Variants in TTC29 observed in about 807,000 individuals in gnomAD.
The protein encoded by TTC29 is tetratricopeptide repeat protein 29.
In TTC29, 49 loss-of-function variants were observed where a neutral mutation model predicts 58.1. The observed-to-expected ratio is 0.84, with a 90% CI of 0.67 to 1.07. The LOEUF is 1.07. Ranked by LOEUF, TTC29 falls within the 50% of genes least tolerant of loss-of-function variation. The pLI is 0.00. For synonymous variants in TTC29, 209 were observed against 196.8 expected (o/e 1.06, Z -0.52); for missense variants, 582 against 555.6 (o/e 1.05, Z -0.48).
At chr4:146,885,282 A>C (rs979065103) in intron 6 of TTC29, among the ~76,000 whole-genome samples, 12 of 152,110 alleles carry the variant, frequency 7.9e-5, no homozygotes, top group Admixed American at 5.9e-4. Flanking sequence ...ATGCAATATA[A>C]GTTTACTTAT....
chr4:146,867,453 C>G (rs1376274184), intron 8 of TTC29, 45 bp downstream of exon 8: 1 of 966,762 alleles, frequency 1.0e-6, no homozygotes, highest in Non-Finnish European at 1.5e-6. Flanking sequence ...AATAAATATA[C>G]TAAAATAAAA....
chr4:146,901,351 T>C (rs114101781), intron 6 of TTC29, among the ~76,000 whole-genome samples: 3 of 152,350 alleles, frequency 2.0e-5, no homozygotes, highest in South Asian at 4.1e-4. Flanking sequence ...TGTTAGTGTA[T>C]GATATATGCA....
At chr4:146,871,834 G>A (rs1348625831) in intron 7 of TTC29, among the ~76,000 whole-genome samples, 1 of 151,896 alleles carries the variant, frequency 6.6e-6, no homozygotes, top group Non-Finnish European at 1.5e-5. Flanking sequence ...TCCCTAAATT[G>A]ATTGACAGAT....
chr4:146,846,411 G>A (rs898661609), intron 8 of TTC29, among the ~76,000 whole-genome samples: 4 of 152,120 alleles, frequency 2.6e-5, no homozygotes, highest in African/African-American at 4.8e-5. Context: ...TATTTGGAAC[G>A]ATTCTTCTTA....
intron 6 of TTC29, among the ~76,000 whole-genome samples, chr4:146,896,040 T>C (rs1243435476): frequency 6.6e-6 from 1 of 152,294 alleles, no homozygotes; most frequent in African/African-American, 2.4e-5. Flanking sequence ...ACTGTGTAGC[T>C]TCTACTGCCA....
chr4:146,845,862 A>T (rs1729134453), intron 8 of TTC29, among the ~76,000 whole-genome samples: 1 of 151,902 alleles, frequency 6.6e-6, no homozygotes, highest in Non-Finnish European at 1.5e-5. Flanking sequence ...GTGCTATTCT[A>T]GCACTCACCA....
intron 4 of TTC29, among the ~76,000 whole-genome samples, chr4:146,936,557 G>A (rs1008123484): frequency 6.6e-6 from 1 of 151,972 alleles, no homozygotes; most frequent in Non-Finnish European, 1.5e-5. Context: ...AAAATCCCAC[G>A]TACCATATAC....
chr4:146,712,780 T>G (rs1742604932), intron 11 of TTC29, among the ~76,000 whole-genome samples: 1 of 151,874 alleles, frequency 6.6e-6, no homozygotes, highest in African/African-American at 2.4e-5. Context: ...CAAAAGAGGG[T>G]GCCATGCCAT....
intron 3 of TTC29, 55 bp from the exon 4 acceptor site, chr4:146,937,732 C>G: frequency 3.8e-6 from 4 of 1,042,190 alleles, no homozygotes; most frequent in Non-Finnish European, 5.6e-6. Flanking sequence ...TGAAAAGCTA[C>G]CAAACACATA....
intron 2 of TTC29, chr4:146,943,075 T>C (rs1460574638): frequency 2.6e-5 from 4 of 153,226 alleles, no homozygotes; most frequent in African/African-American, 9.6e-5. Flanking sequence ...AGTTCGATGA[T>C]TTTTGTTAGA....
chr4:146,885,194 A>G (rs1731896585), intron 6 of TTC29, among the ~76,000 whole-genome samples: 2 of 152,076 alleles, frequency 1.3e-5, no homozygotes, highest in Admixed American at 6.6e-5. Flanking sequence ...ACACTACCCT[A>G]TAACTGACCC....
chr4:146,863,133 A>AG (rs1730353162), intron 8 of TTC29, among the ~76,000 whole-genome samples: 1 of 152,032 alleles, frequency 6.6e-6, no homozygotes, highest in Admixed American at 6.6e-5. Flanking sequence ...AAAAAAAAAA[A>AG]AAAAAGAATT....
chr4:146,813,962 C>T (rs1266818905), intron 10 of TTC29, among the ~76,000 whole-genome samples: 1 of 152,096 alleles, frequency 6.6e-6, no homozygotes, highest in Non-Finnish European at 1.5e-5. Context: ...CCAGTTTGGG[C>T]AACAAGAGTG....
At chr4:146,940,356 C>T (rs1050650120) in intron 2 of TTC29, among the ~76,000 whole-genome samples, 3 of 152,206 alleles carry the variant, frequency 2.0e-5, no homozygotes, top group African/African-American at 7.2e-5. Context: ...CAAATAAAGG[C>T]TTTCCCTTAG....
chr4:146,851,294 G>C (rs770275019), intron 8 of TTC29, among the ~76,000 whole-genome samples: 49 of 152,154 alleles, frequency 3.2e-4, no homozygotes, highest in Non-Finnish European at 5.7e-4. Flanking sequence ...AGCACAAGAT[G>C]GGCCAAATAA....
chr4:146,863,004 C>T (rs1730340053), intron 8 of TTC29, among the ~76,000 whole-genome samples: 1 of 151,888 alleles, frequency 6.6e-6, no homozygotes, highest in African/African-American at 2.4e-5. Flanking sequence ...CGCCTGTAGT[C>T]CCAGCTACTC....
At chr4:146,917,617 A>ACATTATATATTATATATATAATATC (rs1250048875) in intron 4 of TTC29, among the ~76,000 whole-genome samples, 1 of 143,148 alleles carries the variant, frequency 7.0e-6, no homozygotes, top group East Asian at 2.1e-4. Context: ...TTTATAATAT[A>ACATTATATATTATATATATAATATC]TAATTAGATA....
chr4:146,801,543 T>C (rs1273398794), intron 11 of TTC29, among the ~76,000 whole-genome samples: 1 of 152,072 alleles, frequency 6.6e-6, no homozygotes, highest in Non-Finnish European at 1.5e-5. Context: ...ACCATACAAA[T>C]AGCTGTTTTT....
chr4:146,788,911 GTT>G (rs1749236836), intron 11 of TTC29, among the ~76,000 whole-genome samples: 1 of 152,116 alleles, frequency 6.6e-6, no homozygotes, highest in Non-Finnish European at 1.5e-5. Context: ...TATTGATAGA[GTT>G]GGGATCAGAG....
Sources: allele counts gnomAD v4.1 joint callset (sites outside exome capture counted in the v4.1 genomes callset), GRCh38; gene constraint gnomAD v4.1.1; transcripts MANE v1.5; gene names NCBI Gene and HGNC (gene_info 2026-07-23, HGNC 2026-07-21).